The following CDH13 variants were observed in gnomAD, a reference collection of about 807,000 sequenced individuals.
CDH13 encodes cadherin-13.
CDH13 carries 24 observed loss-of-function variants against 63.8 expected under a neutral mutation model. That is an observed-to-expected ratio of 0.38 (90% CI 0.27 to 0.53). The LOEUF is 0.53. Among genes scored for constraint, CDH13 ranks in the 20% least tolerant of loss-of-function variants. CDH13 has a pLI of 0.85. For synonymous variants in CDH13, 503 were observed against 355.3 expected (o/e 1.42, Z -4.67); for missense variants, 1,049 against 903.1 (o/e 1.16, Z -2.07).
At chr16:83,785,180 A>G (rs957706690) in intron 13 of CDH13, among the ~76,000 whole-genome samples, 2 of 152,236 alleles carry the variant, frequency 1.3e-5, no homozygotes, top group African/African-American at 2.4e-5. Flanking sequence ...TCGGGCTACT[A>G]TAACAAAATA....
intron 1 of CDH13, among the ~76,000 whole-genome samples, chr16:82,730,937 G>C (rs559981747): frequency 8.5e-5 from 13 of 152,228 alleles, no homozygotes; most frequent in Non-Finnish European, 1.3e-4. Context: ...GGTAATATGG[G>C]CACAAAACTG....
intron 6 of CDH13, among the ~76,000 whole-genome samples, chr16:83,390,195 C>T (rs1301125331): frequency 1.3e-5 from 2 of 152,168 alleles, no homozygotes; most frequent in South Asian, 2.1e-4. Context: ...TCAATTTCAT[C>T]GAAGCCCCTT....
intron 2 of CDH13, among the ~76,000 whole-genome samples, chr16:83,012,786 C>G (rs1914294366): frequency 6.6e-6 from 1 of 151,928 alleles, no homozygotes; most frequent in East Asian, 1.9e-4. Context: ...AAGTGCTTGT[C>G]CATATATTTA....
intron 5 of CDH13, among the ~76,000 whole-genome samples, chr16:83,244,020 G>A (rs753746172): frequency 6.6e-6 from 1 of 152,014 alleles, no homozygotes; most frequent in Non-Finnish European, 1.5e-5. Context: ...CTCTAGAAAC[G>A]AAGAATTCTA....
chr16:82,842,001 C>G (rs1397425898), intron 1 of CDH13, among the ~76,000 whole-genome samples: 2 of 150,462 alleles, frequency 1.3e-5, no homozygotes, highest in African/African-American at 4.9e-5. Context: ...TAAACACTCA[C>G]TAGGATGCCC....
chr16:82,839,052 C>G (rs1049982934), intron 1 of CDH13, among the ~76,000 whole-genome samples: 2 of 152,236 alleles, frequency 1.3e-5, no homozygotes, highest in Non-Finnish European at 2.9e-5. Context: ...TCCAATAAAA[C>G]TTTATTTACA....
intron 1 of CDH13, among the ~76,000 whole-genome samples, chr16:82,648,365 T>G (rs1910343615): frequency 6.6e-6 from 1 of 152,198 alleles, no homozygotes; most frequent in South Asian, 2.1e-4. Flanking sequence ...AGCCAACGCT[T>G]AGGAAGTAGT....
chr16:83,006,553 G>A (rs1167083434), intron 2 of CDH13, among the ~76,000 whole-genome samples: 1 of 152,130 alleles, frequency 6.6e-6, no homozygotes, highest in Non-Finnish European at 1.5e-5. Flanking sequence ...ACCATTCTTG[G>A]TGGTGCCATT....
intron 3 of CDH13, among the ~76,000 whole-genome samples, chr16:83,120,132 A>G (rs2035499871): frequency 1.3e-5 from 2 of 151,610 alleles, no homozygotes; most frequent in Admixed American, 6.6e-5. Context: ...CAGCCCCCGA[A>G]CCCTGTCCCT....
intron 2 of CDH13, among the ~76,000 whole-genome samples, chr16:82,982,912 G>A (rs1597353992): frequency 1.3e-5 from 2 of 152,122 alleles, no homozygotes; most frequent in Middle Eastern, 3.2e-3. Context: ...CCATGAACCG[G>A]AGTGAAAGGG....
chr16:82,663,535 A>G (rs944112558), intron 1 of CDH13, among the ~76,000 whole-genome samples: 3 of 152,160 alleles, frequency 2.0e-5, no homozygotes, highest in Non-Finnish European at 4.4e-5. Flanking sequence ...TGACTCCCCT[A>G]GAAATTCACT....
intron 6 of CDH13, among the ~76,000 whole-genome samples, chr16:83,433,640 C>T (rs1352163796): frequency 6.6e-6 from 1 of 152,154 alleles, no homozygotes; most frequent in Non-Finnish European, 1.5e-5. Flanking sequence ...CCAGAAGATT[C>T]ATTACCCCAG....
At chr16:83,215,600 A>T (rs896353243) in intron 4 of CDH13, among the ~76,000 whole-genome samples, 2 of 150,488 alleles carry the variant, frequency 1.3e-5, no homozygotes, top group Admixed American at 6.6e-5. Context: ...GGTGTCAGAC[A>T]TCGGAATTGC....
intron 2 of CDH13, among the ~76,000 whole-genome samples, chr16:82,860,118 T>C (rs1274727090): frequency 6.6e-6 from 1 of 152,196 alleles, no homozygotes; most frequent in African/African-American, 2.4e-5. Context: ...TCTCTTCCTC[T>C]GTCTTCCTTT....
intron 8 of CDH13, among the ~76,000 whole-genome samples, chr16:83,605,093 G>A (rs1908202402): frequency 6.6e-6 from 1 of 152,152 alleles, no homozygotes; most frequent in African/African-American, 2.4e-5. Flanking sequence ...AAGAGACACT[G>A]AGTAGCATAA....
At chr16:82,961,776 G>C (rs1907045455) in intron 2 of CDH13, among the ~76,000 whole-genome samples, 1 of 152,096 alleles carries the variant, frequency 6.6e-6, no homozygotes, top group Non-Finnish European at 1.5e-5. Context: ...GGGGTGATTT[G>C]GCCTCTGCAG....
intron 6 of CDH13, among the ~76,000 whole-genome samples, chr16:83,356,347 C>A (rs1229654720): frequency 6.6e-6 from 1 of 151,854 alleles, no homozygotes; most frequent in African/African-American, 2.4e-5. Flanking sequence ...CTCCACGCAG[C>A]CCATCCTTAC....
At chr16:83,393,002 C>A (rs1038901565) in intron 6 of CDH13, among the ~76,000 whole-genome samples, 1 of 151,930 alleles carries the variant, frequency 6.6e-6, no homozygotes, top group African/African-American at 2.4e-5. Flanking sequence ...TGTGGGTGCC[C>A]AGGCCTGGGA....
intron 5 of CDH13, among the ~76,000 whole-genome samples, chr16:83,246,445 A>T (rs1905002140): frequency 6.6e-6 from 1 of 152,090 alleles, no homozygotes; most frequent in African/African-American, 2.4e-5. Context: ...TGCTTTGCTG[A>T]CTTCTGTACT....
Sources: gnomAD v4.1 joint callset for allele counts (sites outside exome capture counted in the v4.1 genomes callset) on GRCh38, gnomAD v4.1.1 for gene constraint, MANE v1.5 for transcripts, NCBI Gene and HGNC (gene_info 2026-07-23, HGNC 2026-07-21) for gene names.